Variants in FHIT observed in about 807,000 individuals in gnomAD.
FHIT encodes the protein bis(5'-adenosyl)-triphosphatase.
A neutral mutation model predicts 17.9 loss-of-function variants in FHIT; 19 were observed. The observed-to-expected ratio is 1.06, with a 90% CI of 0.74 to 1.56. The LOEUF is 1.56. Among genes scored for constraint, FHIT ranks in the 40% most tolerant of loss-of-function variants. The pLI is 0.00. For synonymous variants in FHIT, 81 were observed against 69.7 expected, an observed-to-expected ratio of 1.16 and a Z score of -0.81; for missense variants, 248 against 189.2, an observed-to-expected ratio of 1.31 and a Z score of -1.82.
At chr3:60,882,257 G>A (rs1480230362) in intron 3 of FHIT, among the ~76,000 whole-genome samples, 2 of 152,066 alleles carry the variant, frequency 1.3e-5, no homozygotes, top group South Asian at 2.1e-4. Context: ...TCAAAGAAAA[G>A]CCCAGGACCT....
At chr3:61,104,185 G>GT (rs2035923729) in intron 2 of FHIT, among the ~76,000 whole-genome samples, 1 of 152,132 alleles carries the variant, frequency 6.6e-6, no homozygotes, top group Non-Finnish European at 1.5e-5. Context: ...ACTTCACCAT[G>GT]TTTTTGTAGT....
chr3:60,525,727 G>A (rs2035548166), intron 5 of FHIT, among the ~76,000 whole-genome samples: 1 of 152,132 alleles, frequency 6.6e-6, no homozygotes, highest in African/African-American at 2.4e-5. Context: ...ATTACTTAGA[G>A]CTCTCTACAA....
chr3:59,942,781 T>C (rs972449380), intron 7 of FHIT, among the ~76,000 whole-genome samples: 4 of 152,146 alleles, frequency 2.6e-5, no homozygotes, highest in Non-Finnish European at 5.9e-5. Context: ...CCCAAAAAGC[T>C]TGGACTACAG....
chr3:60,006,118 T>A (rs894667605), intron 7 of FHIT, among the ~76,000 whole-genome samples: 7 of 152,138 alleles, frequency 4.6e-5, no homozygotes, highest in Admixed American at 3.9e-4. Flanking sequence ...CTCTATCGAT[T>A]TGTAACCGCG....
At chr3:60,719,829 C>A (rs60495246) in intron 4 of FHIT, among the ~76,000 whole-genome samples, 1 of 152,116 alleles carries the variant, frequency 6.6e-6, no homozygotes, top group East Asian at 1.9e-4. Context: ...CTAAGGTCCA[C>A]GCAAATATCC....
chr3:60,033,445 G>C (rs1022770831), intron 5 of FHIT, among the ~76,000 whole-genome samples: 1 of 151,386 alleles, frequency 6.6e-6, no homozygotes, highest in African/African-American at 2.4e-5. Flanking sequence ...GGTGAGCCAA[G>C]ATCGCGCCAT....
At chr3:60,565,924 T>C (rs2037118019) in intron 4 of FHIT, among the ~76,000 whole-genome samples, 1 of 152,202 alleles carries the variant, frequency 6.6e-6, no homozygotes, top group African/African-American at 2.4e-5. Flanking sequence ...CTCTACACAC[T>C]GCTTTGAATG....
At chr3:59,980,870 A>G (rs1250814982) in intron 7 of FHIT, among the ~76,000 whole-genome samples, 1 of 152,214 alleles carries the variant, frequency 6.6e-6, no homozygotes, top group Non-Finnish European at 1.5e-5. Flanking sequence ...AGAGCATCCC[A>G]AATGAACTAA....
intron 4 of FHIT, among the ~76,000 whole-genome samples, chr3:60,734,691 G>C (rs1187230592): frequency 3.3e-5 from 5 of 152,216 alleles, no homozygotes; most frequent in African/African-American, 1.2e-4. Context: ...TTAGAGGATA[G>C]ATAACTTCGA....
intron 5 of FHIT, among the ~76,000 whole-genome samples, chr3:60,424,207 A>C (rs1440237738): frequency 6.6e-6 from 1 of 152,146 alleles, no homozygotes; most frequent in Non-Finnish European, 1.5e-5. Context: ...CACTTGGCCC[A>C]AAGTTACACA....
chr3:60,679,530 ATAT>A (rs1553696262), intron 4 of FHIT, among the ~76,000 whole-genome samples: 1 of 152,120 alleles, frequency 6.6e-6, no homozygotes, highest in Non-Finnish European at 1.5e-5. Context: ...CAATTTTCCC[ATAT>A]TATTAGATAT....
At chr3:61,174,232 T>C (rs1212028662) in intron 2 of FHIT, among the ~76,000 whole-genome samples, 1 of 152,222 alleles carries the variant, frequency 6.6e-6, no homozygotes, top group Admixed American at 6.5e-5. Context: ...AAACTCAAGA[T>C]CTTGCACTAC....
chr3:60,049,954 A>AT (rs1198443435), intron 5 of FHIT, among the ~76,000 whole-genome samples: 1 of 152,202 alleles, frequency 6.6e-6, no homozygotes, highest in Non-Finnish European at 1.5e-5. Context: ...ACTAATACTT[A>AT]TTATGATCTT....
chr3:60,056,490 A>G (rs1702087303), intron 5 of FHIT, among the ~76,000 whole-genome samples: 1 of 152,232 alleles, frequency 6.6e-6, no homozygotes, highest in Admixed American at 6.5e-5. Context: ...TTGTGTTACA[A>G]GTTTAGATGT....
At chr3:59,870,872 T>TGC (rs769306383) in intron 8 of FHIT, among the ~76,000 whole-genome samples, 2,673 of 101,430 alleles carry the variant, frequency 0.026, 28 homozygotes, top group South Asian at 0.03. Context: ...TGTGTGTGTG[T>TGC]GCGTGTGTGT....
intron 2 of FHIT, among the ~76,000 whole-genome samples, chr3:61,114,398 C>T (rs908100466): frequency 6.6e-6 from 1 of 152,170 alleles, no homozygotes; most frequent in Non-Finnish European, 1.5e-5. Flanking sequence ...TTATTGGCAG[C>T]CAGAAGCCCA....
At chr3:60,153,752 G>A (rs1285664479) in intron 5 of FHIT, among the ~76,000 whole-genome samples, 1 of 152,078 alleles carries the variant, frequency 6.6e-6, no homozygotes, top group Admixed American at 6.6e-5. Flanking sequence ...TAGATCTAGG[G>A]GTTAAACTCT....
intron 8 of FHIT, among the ~76,000 whole-genome samples, chr3:59,821,734 C>T (rs552125280): frequency 1.3e-5 from 2 of 152,164 alleles, no homozygotes; most frequent in South Asian, 2.1e-4. Flanking sequence ...CCTTCTGCTC[C>T]TGGTTCTTAG....
chr3:60,112,579 C>CA (rs1361846789), intron 5 of FHIT, among the ~76,000 whole-genome samples: 1 of 152,198 alleles, frequency 6.6e-6, no homozygotes, highest in Non-Finnish European at 1.5e-5. Context: ...ATGGCCTCCA[C>CA]ATGGCTTTCA....
Sources: gnomAD v4.1 joint callset for allele counts (sites outside exome capture counted in the v4.1 genomes callset) on GRCh38, gnomAD v4.1.1 for gene constraint, MANE v1.5 for transcripts, NCBI Gene and HGNC (gene_info 2026-07-23, HGNC 2026-07-21) for gene names.